The following TENM1 variants were observed in gnomAD, a reference collection of about 807,000 sequenced individuals.
TENM1 encodes teneurin-1.
A neutral mutation model predicts 174.8 loss-of-function variants in TENM1; 35 were observed. The ratio of observed to expected loss-of-function variants is 0.20; its 90% confidence interval spans 0.15 to 0.27. The LOEUF (loss-of-function observed/expected upper bound fraction) is 0.27. Ranked by LOEUF, TENM1 falls within the 10% of genes least tolerant of loss-of-function variation. The pLI, the probability that TENM1 is intolerant of heterozygous loss-of-function variation, is 1.00. For missense variants in TENM1, 1,633 were observed against 2,130.1 expected, an observed-to-expected ratio of 0.77 and a Z score of 4.59; for synonymous variants, 781 against 798.7, an observed-to-expected ratio of 0.98 and a Z score of 0.37.
At chrX:124,424,711 G>T (rs1243116947) in intron 23 of TENM1, among the ~76,000 whole-genome samples, 2 of 111,595 alleles carry the variant, frequency 1.8e-5, no homozygotes, top group Non-Finnish European at 3.8e-5. Flanking sequence ...ACTGGATCAT[G>T]GGGGTGAAGT....
chrX:125,071,717 C>A, the TENM1 span, among the ~76,000 whole-genome samples: 1 of 111,130 alleles, frequency 9.0e-6, no homozygotes, highest in Non-Finnish European at 1.9e-5. Flanking sequence ...CCTCTCTATA[C>A]CTACCAGTGA....
intron 11 of TENM1, among the ~76,000 whole-genome samples, chrX:124,604,842 C>G: frequency 9.1e-6 from 1 of 110,317 alleles, no homozygotes; most frequent in Non-Finnish European, 1.9e-5. Context: ...ATACTCTTCC[C>G]TTGATTTCCT....
chrX:125,189,431 C>T, the TENM1 span, among the ~76,000 whole-genome samples: 1 of 112,111 alleles, frequency 8.9e-6, no homozygotes, highest in Admixed American at 9.5e-5. Context: ...ATAATGCATA[C>T]CAGAGGCAAA....
At chrX:124,955,797 G>GCACACAAACACA (rs1556430461) in intron 1 of TENM1, among the ~76,000 whole-genome samples, 31 of 91,256 alleles carry the variant, frequency 3.4e-4, no homozygotes, top group African/African-American at 1.3e-3. Flanking sequence ...ACACGCGCAC[G>GCACACAAACACA]CACACACACA....
At chrX:124,830,251 G>A (rs758231526) in intron 3 of TENM1, among the ~76,000 whole-genome samples, 1 of 111,953 alleles carries the variant, frequency 8.9e-6, no homozygotes, top group African/African-American at 3.2e-5. Flanking sequence ...GATAAGTGCA[G>A]CTGACAAAGG....
At chrX:124,619,210 T>C (rs896752394) in intron 11 of TENM1, among the ~76,000 whole-genome samples, 9 of 112,541 alleles carry the variant, frequency 8.0e-5, no homozygotes, top group Admixed American at 6.6e-4. Flanking sequence ...CTGCCAATTG[T>C]AGTTCCTTCG....
intron 3 of TENM1, among the ~76,000 whole-genome samples, chrX:124,792,107 TC>T (rs1258778912): frequency 8.9e-6 from 1 of 111,757 alleles, no homozygotes; most frequent in East Asian, 2.8e-4. Context: ...CCATTCTGAA[TC>T]ATTTCAATAA....
At chrX:125,148,103 A>AC in the TENM1 span, among the ~76,000 whole-genome samples, 5 of 110,674 alleles carry the variant, frequency 4.5e-5, no homozygotes, top group South Asian at 3.8e-4. Flanking sequence ...TGTGTTTTTT[A>AC]CCCCCAGTCT....
chrX:125,153,694 T>C, the TENM1 span, among the ~76,000 whole-genome samples: 14 of 112,129 alleles, frequency 1.2e-4, no homozygotes, highest in African/African-American at 4.2e-4. Flanking sequence ...AGGAAACAAA[T>C]TGGGTGTTAA....
At chrX:124,706,208 T>C (rs1024199582) in intron 4 of TENM1, among the ~76,000 whole-genome samples, 2 of 112,591 alleles carry the variant, frequency 1.8e-5, no homozygotes, top group Admixed American at 1.9e-4. Flanking sequence ...GGCCAGTTTT[T>C]AGTTTTTAAG....
chrX:124,988,297 C>T, the TENM1 span, among the ~76,000 whole-genome samples: 9,370 of 111,476 alleles, frequency 0.084, 937 homozygotes, highest in African/African-American at 0.29. Flanking sequence ...TTAGGAACAA[C>T]TTTGTAGCAA....
At chrX:124,740,331 A>G (rs913147188) in intron 3 of TENM1, among the ~76,000 whole-genome samples, 1 of 111,806 alleles carries the variant, frequency 8.9e-6, no homozygotes, top group African/African-American at 3.3e-5. Flanking sequence ...AGAATATCTC[A>G]TTGACATCAG....
At position 124,755,362 on chromosome X, in the gene TENM1, T is replaced by C. The variant is rs758713913; in HGVS notation, c.536-18165A>G. 1.5e-3 allele frequency among the ~76,000 whole-genome samples: 170 copies of C among 111,591 alleles called. 1 individual carries two copies. Among genetic ancestry groups the C allele is most frequent in the African/African-American group, 3.8e-3 (116 of 30,641 alleles). The stretch of plus-strand genomic sequence containing the variant: ...CTTGGTAGATCTTCCTCCATCCTTT[T>C]ATTTTCAGGCTATGTGTGTCTCTGC... On this transcript the variant is annotated intron_variant, in intron 3 of 31. Coordinates refer to ENST00000422452, the Ensembl canonical transcript of TENM1.
At chrX:124,878,199 T>G (rs1315804143) in intron 3 of TENM1, among the ~76,000 whole-genome samples, 3 of 111,480 alleles carry the variant, frequency 2.7e-5, no homozygotes, top group Non-Finnish European at 5.6e-5. Flanking sequence ...TTTACATACA[T>G]CTGTGATCAG....
chrX:124,500,226 G>A (rs2047297561), intron 19 of TENM1, among the ~76,000 whole-genome samples: 1 of 111,983 alleles, frequency 8.9e-6, no homozygotes, highest in Non-Finnish European at 1.9e-5. Flanking sequence ...CCCGTGTACT[G>A]AAATGACCAT....
chrX:125,202,555 C>A, the TENM1 span, among the ~76,000 whole-genome samples: 1 of 111,669 alleles, frequency 9.0e-6, no homozygotes, highest in Non-Finnish European at 1.9e-5. Context: ...AGATGTAGAG[C>A]TTTTCTACCC....
intron 3 of TENM1, among the ~76,000 whole-genome samples, chrX:124,786,922 G>C (rs1249816545): frequency 9.0e-6 from 1 of 111,432 alleles, no homozygotes; most frequent in African/African-American, 3.3e-5. Context: ...ATAAAAATAT[G>C]TACTATTCTT....
intron 3 of TENM1, among the ~76,000 whole-genome samples, chrX:124,822,571 T>C (rs1453835559): frequency 8.9e-6 from 1 of 111,921 alleles, no homozygotes; most frequent in Non-Finnish European, 1.9e-5. Flanking sequence ...ATTTGCCCCT[T>C]TCTCAAAGGA....
chrX:124,439,259 G>A (rs147345641), intron 23 of TENM1, among the ~76,000 whole-genome samples: 528 of 111,495 alleles, frequency 4.7e-3, no homozygotes, highest in African/African-American at 0.016. Flanking sequence ...ATTTTTTTGT[G>A]TGTGTGAAAT....
Sources: gnomAD v4.1 joint callset for allele counts (sites outside exome capture counted in the v4.1 genomes callset) on GRCh38, gnomAD v4.1.1 for gene constraint, MANE v1.5 for transcripts, NCBI Gene and HGNC (gene_info 2026-07-23, HGNC 2026-07-21) for gene names.